PTPN13: variants seen among roughly 807,000 people sequenced by gnomAD.
PTPN13 encodes the protein tyrosine-protein phosphatase non-receptor type 13.
Under a neutral mutation model 284.0 loss-of-function variants are expected in PTPN13, and 191 were observed. That is an observed-to-expected ratio of 0.67 (90% CI 0.60 to 0.76). The LOEUF (loss-of-function observed/expected upper bound fraction) is 0.76. PTPN13 is among the 30% of genes least tolerant of loss of function. The pLI is 0.00. For missense variants in PTPN13, 2,797 were observed against 2,939.9 expected, an observed-to-expected ratio of 0.95 and a Z score of 1.12; for synonymous variants, 986 against 1,022.3, an observed-to-expected ratio of 0.96 and a Z score of 0.68.
intron 7 of PTPN13, among the ~76,000 whole-genome samples, chr4:86,708,972 CTTCT>C (rs1234213808): frequency 6.6e-6 from 1 of 151,908 alleles, no homozygotes; most frequent in Non-Finnish European, 1.5e-5. Flanking sequence ...TCCCCACTCC[CTTCT>C]TTCTTACTCT....
chr4:86,812,029 G>A (rs1448517546), intron 47 of PTPN13, among the ~76,000 whole-genome samples: 6 of 152,154 alleles, frequency 3.9e-5, no homozygotes, highest in African/African-American at 9.7e-5. Context: ...AACTCTTCTA[G>A]GCCGGGCGCG....
At chr4:86,761,122 A>G (rs1033061407) in intron 23 of PTPN13, among the ~76,000 whole-genome samples, 4 of 125,578 alleles carry the variant, frequency 3.2e-5, no homozygotes, top group African/African-American at 1.2e-4. Flanking sequence ...TATATATGTG[A>G]TGTGTGTGTG....
In PTPN13 at chr4:86,621,007, C is replaced by T. The variant is rs116714375; in HGVS notation, c.-5-14245C>T. Among the ~76,000 whole-genome samples the T allele has an allele frequency of 2.4e-3, 362 of 152,290 alleles. 1 individual carries two copies. Among genetic ancestry groups the T allele is most frequent in the African/African-American group, 8.4e-3 (349 of 41,562 alleles). ...TTATCTAGAAGCACTCCGTTTCTCC[C>T]TAAAACACAGATTTATGACTTAATT... On this transcript the variant is annotated intron_variant, in intron 1 of 47. Coordinates refer to ENST00000411767, the MANE Select transcript of PTPN13 (RefSeq NM_080683.3).
intron 40 of PTPN13, among the ~76,000 whole-genome samples, chr4:86,796,497 T>C (rs1743361395): frequency 6.6e-6 from 1 of 152,020 alleles, no homozygotes. Flanking sequence ...TTTAATTACC[T>C]GGGCATGGTG....
At chr4:86,775,807 G>T (rs185586379) in intron 35 of PTPN13, among the ~76,000 whole-genome samples, 155 bp downstream of exon 35, 1 of 152,270 alleles carries the variant, frequency 6.6e-6, no homozygotes, top group South Asian at 2.1e-4. Flanking sequence ...CTTGATAGGC[G>T]ATTTTGAGAA....
rs369987611 is a variant in PTPN13 at position 86,732,433 on chromosome 4, A to G, written c.1642A>G (p.Ile548Val). The change falls in exon 11 of 48, where the codon ATT becomes GTT. Residue 548 changes from isoleucine (I) to valine (V), a missense_variant. Physicochemically the swap from Ile to Val is conservative, Grantham distance 29. Coordinates refer to ENST00000411767, the MANE Select transcript of PTPN13 (RefSeq NM_080683.3). ...FFGPEFVKMT[I>V]EPFISLDLPR... Reference sequence around the variant, plus strand: ...TGGCCCTGAGTTTGTGAAAATGACAATTGAACCATTTATATCTTTGGATTT... The same window carrying G: ...TGGCCCTGAGTTTGTGAAAATGACAGTTGAACCATTTATATCTTTGGATTT... The G allele has an allele frequency of 1.2e-4, 186 of 1,601,612 alleles. 1 individual carries two copies. The African/African-American group carries it at 1.7e-3, about 14-fold the overall frequency.
At chr4:86,714,294 A>G (rs1578476610) in intron 7 of PTPN13, among the ~76,000 whole-genome samples, 1 of 152,130 alleles carries the variant, frequency 6.6e-6, no homozygotes, top group Non-Finnish European at 1.5e-5. Flanking sequence ...TATGATATGA[A>G]TATCTTGGGA....
chr4:86,797,351 G>A (rs1423342000), intron 41 of PTPN13, among the ~76,000 whole-genome samples: 1 of 152,004 alleles, frequency 6.6e-6, no homozygotes, highest in Non-Finnish European at 1.5e-5. Flanking sequence ...AATTAGCTGG[G>A]TGTGGTGACA....
intron 1 of PTPN13, among the ~76,000 whole-genome samples, chr4:86,619,734 A>G (rs1720999896): frequency 1.3e-5 from 2 of 152,248 alleles, no homozygotes; most frequent in East Asian, 3.9e-4. Context: ...CAAATCCTGC[A>G]ATAAGCAAGT....
intron 3 of PTPN13, among the ~76,000 whole-genome samples, chr4:86,682,283 T>G (rs1465988043): frequency 6.6e-6 from 1 of 152,188 alleles, no homozygotes; most frequent in East Asian, 1.9e-4. Flanking sequence ...TGTCCTGGCC[T>G]GCTATACTAC....
intron 44 of PTPN13, 53 bp downstream of exon 44, chr4:86,805,422 G>A: frequency 1.8e-6 from 2 of 1,132,580 alleles, no homozygotes; most frequent in Admixed American, 2.9e-5. Flanking sequence ...AATATTAATG[G>A]ATTAAAATTT....
At chr4:86,641,569 A>C (rs561140486) in intron 2 of PTPN13, among the ~76,000 whole-genome samples, 20 of 152,340 alleles carry the variant, frequency 1.3e-4, no homozygotes, top group African/African-American at 4.1e-4. Context: ...TAGGATAATG[A>C]TATCTAAGCA....
chr4:86,725,851 C>T (rs546238427), intron 10 of PTPN13, among the ~76,000 whole-genome samples: 5 of 149,628 alleles, frequency 3.3e-5, no homozygotes, highest in African/African-American at 7.3e-5. Context: ...TTTTGGCTTT[C>T]GTTGCCATTG....
intron 5 of PTPN13, chr4:86,690,134 G>T (rs759810172): frequency 6.9e-5 from 11 of 158,894 alleles, no homozygotes; most frequent in Non-Finnish European, 1.1e-4. Flanking sequence ...AAACCTTTGC[G>T]GTTCTATAGT....
intron 24 of PTPN13, among the ~76,000 whole-genome samples, chr4:86,764,277 ATCTAGCAGTT>A (rs1412833945): frequency 1.3e-5 from 2 of 152,176 alleles, no homozygotes. Context: ...CATCTGCCAT[ATCTAGCAGTT>A]TGACCTGAAG....
rs1731170879 is a variant in PTPN13 at position 86,701,609 on chromosome 4, A to G, written c.1003A>G (p.Thr335Ala). 2 of 1,613,868 alleles carry G rather than the reference A, an allele frequency of 1.2e-6. No individual in the cohort carries two copies. Among genetic ancestry groups the G allele is most frequent in the Non-Finnish European group, 1.7e-6 (2 of 1,179,880 alleles). Reference protein sequence around the residue: ...HPEAVTVRTSTTPRKKEARYS... With the variant: ...HPEAVTVRTSATPRKKEARYS... ...TGAGGCAGTAACAGTGCGGACTTCA[A>G]CTACTCCTAGAAAAAAGGAGGCAAG... Residue 335 changes from threonine (T) to alanine (A), a missense_variant, in exon 7 of 48, where the codon ACT becomes GCT. Physicochemically the swap from Thr to Ala is moderately conservative, Grantham distance 58. Coordinates refer to ENST00000411767, the MANE Select transcript of PTPN13 (RefSeq NM_080683.3).
At chr4:86,675,068 A>G (rs945798360) in intron 3 of PTPN13, among the ~76,000 whole-genome samples, 3 of 152,136 alleles carry the variant, frequency 2.0e-5, no homozygotes, top group African/African-American at 4.8e-5. Flanking sequence ...AGGTTTCCCA[A>G]TTTGCCTTGT....
At chr4:86,689,843 G>C (rs1729843038) in intron 5 of PTPN13, 2 of 675,446 alleles carry the variant, frequency 3.0e-6, no homozygotes, top group Admixed American at 4.2e-5. Flanking sequence ...TATCTTGTTT[G>C]CCCTATCTGA....
In PTPN13 at chr4:86,765,383, TTTTCTC is replaced by T. The variant is rs1480387459; in HGVS notation, c.4150-8_4150-3del. 1.3e-6 allele frequency: 2 copies of T among 1,572,796 alleles called. No individual in the cohort carries two copies. Among genetic ancestry groups the T allele is most frequent in the Admixed American group, 1.8e-5 (1 of 55,088 alleles). On this transcript the variant is annotated splice_polypyrimidine_tract_variant and splice_region_variant and intron_variant, in intron 25 of 47. Coordinates refer to ENST00000411767, the MANE Select transcript of PTPN13 (RefSeq NM_080683.3). ...CATGTTATAAAATATTATTTTGTCT[TTTTCTC>T]TTTAGGGAGGTGTGAATACGAGTGT...
Sources: allele counts gnomAD v4.1 joint callset (sites outside exome capture counted in the v4.1 genomes callset), GRCh38; gene constraint gnomAD v4.1.1; transcripts MANE v1.5; gene names NCBI Gene and HGNC (gene_info 2026-07-23, HGNC 2026-07-21).